Variants in ROS1 observed in about 807,000 individuals in gnomAD.
ROS1 encodes the protein ROS proto-oncogene 1, receptor tyrosine kinase.
Under a neutral mutation model 273.5 loss-of-function variants are expected in ROS1, and 263 were observed. The observed-to-expected ratio is 0.96, with a 90% CI of 0.87 to 1.06. ROS1 has a LOEUF of 1.06. ROS1 is among the 50% of genes least tolerant of loss of function. The pLI is 0.00. For synonymous variants in ROS1, 1,008 were observed against 954.1 expected (o/e 1.06, Z -1.04); for missense variants, 2,833 against 2,751.1 (o/e 1.03, Z -0.67).
intron 43 of ROS1, among the ~76,000 whole-genome samples, chr6:117,296,565 T>C (rs1269647702): frequency 6.6e-6 from 1 of 152,080 alleles, no homozygotes; most frequent in Non-Finnish European, 1.5e-5. Context: ...AAGATAAATA[T>C]CTCATGTTCT....
intron 18 of ROS1, among the ~76,000 whole-genome samples, chr6:117,367,966 G>A (rs1401222156): frequency 2.0e-5 from 3 of 152,038 alleles, no homozygotes; most frequent in Non-Finnish European, 1.5e-5. Context: ...CCTACTCTTG[G>A]TTAGTCATCT....
intron 36 of ROS1, 28 bp from the exon 37 acceptor site, chr6:117,320,058 C>A: frequency 6.2e-7 from 1 of 1,605,156 alleles, no homozygotes; most frequent in Non-Finnish European, 8.5e-7. Context: ...TTTTGTCTCC[C>A]CACCCTCCAC....
chr6:117,376,613 C>T (rs965177283), intron 18 of ROS1, among the ~76,000 whole-genome samples: 3 of 151,908 alleles, frequency 2.0e-5, no homozygotes, highest in African/African-American at 7.3e-5. Context: ...TATTTTCCCA[C>T]ACTAGTAATG....
chr6:117,403,723 G>C (rs1774146680), intron 6 of ROS1, among the ~76,000 whole-genome samples: 1 of 151,948 alleles, frequency 6.6e-6, no homozygotes. Flanking sequence ...TGAGGTGAAT[G>C]GTTACGTGAT....
At chr6:117,311,330 A>G (rs771784942) in intron 39 of ROS1, among the ~76,000 whole-genome samples, 10 of 152,106 alleles carry the variant, frequency 6.6e-5, no homozygotes, top group Non-Finnish European at 8.8e-5. Flanking sequence ...AATGACAGCT[A>G]TGTTTAGTAA....
At chr6:117,411,777 A>G (rs1774930605) in intron 4 of ROS1, among the ~76,000 whole-genome samples, 1 of 152,186 alleles carries the variant, frequency 6.6e-6, no homozygotes, top group Admixed American at 6.5e-5. Context: ...CATGCCAAGC[A>G]TGGTTTTGGG....
chr6:117,334,258 G>A (rs545897661), intron 32 of ROS1, among the ~76,000 whole-genome samples: 9 of 152,156 alleles, frequency 5.9e-5, no homozygotes, highest in African/African-American at 2.2e-4. Flanking sequence ...GCTACAAAGA[G>A]AATAAAATAC....
intron 37 of ROS1, among the ~76,000 whole-genome samples, chr6:117,319,445 A>T (rs1438267570): frequency 1.3e-5 from 2 of 152,134 alleles, no homozygotes; most frequent in Non-Finnish European, 2.9e-5. Flanking sequence ...AGCCACACTC[A>T]TTTATTTACA....
chr6:117,381,237 T>A lies in ROS1; in HGVS notation c.2482-2078A>T, dbSNP rs1772112675. On this transcript the variant is annotated intron_variant, in intron 17 of 43. Transcript: ENST00000368507. ...TCTTTTGCTTTTATTATATATATAT[T>A]TTTAACTTCAATAGCTTTTTGGGGT... Among the ~76,000 whole-genome samples the A allele has an allele frequency of 2.0e-5, 3 of 151,840 alleles. No individual in the cohort carries two copies. The South Asian group carries it at 6.3e-4, about 32-fold the overall frequency.
chr6:117,425,781 T>C lies in ROS1; in HGVS notation c.-125A>G. On this transcript the variant is annotated 5_prime_UTR_variant, in exon 1 of 44. The change creates a new upstream start codon in the 5' untranslated region. Transcript: ENST00000368507. The stretch of plus-strand genomic sequence containing the variant: ...ATGGATTTTGCTTTGTTTGTTTTGC[T>C]ATATTAGGATATACTTGCCTTTTGA... 1 of 962,224 alleles carries C rather than the reference T, an allele frequency of 1.0e-6. No individual in the cohort carries two copies. Among genetic ancestry groups the C allele is most frequent in the Non-Finnish European group, 1.6e-6 (1 of 630,688 alleles). 59.6% of individuals were successfully genotyped at this position (962,224 alleles called of 1,614,324 possible).
intron 27 of ROS1, among the ~76,000 whole-genome samples, chr6:117,349,659 C>A (rs575460167): frequency 6.6e-6 from 1 of 152,062 alleles, no homozygotes; most frequent in African/African-American, 2.4e-5. Flanking sequence ...TTGTCTTCCA[C>A]TTTTTTTCTG....
intron 4 of ROS1, among the ~76,000 whole-genome samples, chr6:117,410,949 C>G (rs778377949): frequency 3.9e-5 from 6 of 152,082 alleles, no homozygotes; most frequent in Non-Finnish European, 8.8e-5. Context: ...TATTTATGAA[C>G]TGCAGAGAAT....
intron 34 of ROS1, 126 bp downstream of exon 34, chr6:117,326,089 GATTATATAT>G (rs201641328): frequency 0.079 from 13,143 of 166,336 alleles, 411 homozygotes; most frequent in South Asian, 0.14. Context: ...TGGATAATAA[GATTATATAT>G]ATATATATAT....
At chr6:117,321,450 T>A (rs2128563940) in intron 35 of ROS1, 56 bp from the exon 36 acceptor site, 1 of 1,469,776 alleles carries the variant, frequency 6.8e-7, no homozygotes, top group Non-Finnish European at 9.2e-7. Context: ...CTTTTTTCCT[T>A]TAGGAAATGT....
In ROS1 at chr6:117,357,786, AT is replaced by A. The variant is rs764008351; in HGVS notation, c.3839+17del. ...ATCTATTTCATCACAATATAAAAAAATACTTGCATTTACATACCTTAAAAGA... is the reference window on the plus strand; with the variant it reads ...ATCTATTTCATCACAATATAAAAAAAACTTGCATTTACATACCTTAAAAGA... On this transcript the variant is annotated intron_variant, in intron 25 of 43. Transcript: ENST00000368507. The A allele has an allele frequency of 2.4e-5, 35 of 1,489,272 alleles. No individual in the cohort carries two copies. The highest frequency in any genetic ancestry group is 1.1e-4 in the East Asian group (5 of 43,944). 92.3% of individuals were successfully genotyped at this position (1,489,272 alleles called of 1,614,324 possible).
chr6:117,404,727 T>A (rs1321803), intron 5 of ROS1, among the ~76,000 whole-genome samples: 91,854 of 152,066 alleles, frequency 0.6, 29,982 homozygotes, highest in African/African-American at 0.87. Context: ...GTTTTCTCTT[T>A]CAATACCACT....
At chr6:117,396,842 C>T in intron 8 of ROS1, 73 bp downstream of exon 8, 4 of 1,054,342 alleles carry the variant, frequency 3.8e-6, no homozygotes, top group South Asian at 1.4e-5. Flanking sequence ...TATTTGATAC[C>T]CATATTTCTT....
Position 117,353,116 on chromosome 6 carries a change from T to C in ROS1, c.4177A>G (p.Ile1393Val). The C allele has an allele frequency of 4.3e-6, 7 of 1,614,098 alleles. No homozygotes were observed. Among genetic ancestry groups the C allele is most frequent in the Non-Finnish European group, 5.1e-6 (6 of 1,179,962 alleles). Reference sequence around the variant, plus strand: ...ATCTGTGTGCTGTCCTTTGCTGTGATGATCCAGTATATAAGATCTCCATCC... The same window carrying C: ...ATCTGTGTGCTGTCCTTTGCTGTGACGATCCAGTATATAAGATCTCCATCC... ...TVDGDLIYWI[I>V]TAKDSTQIYQ... is the part of the protein sequence containing the mutation. The change falls in exon 27 of 44, where the codon ATC becomes GTC. Residue 1393 changes from isoleucine (I) to valine (V), a missense_variant. Ile to Val is a conservative substitution (Grantham distance 29). Transcript: ENST00000368507.
At chr6:117,293,104 T>G (rs1773960152) in intron 43 of ROS1, among the ~76,000 whole-genome samples, 1 of 152,202 alleles carries the variant, frequency 6.6e-6, no homozygotes, top group Non-Finnish European at 1.5e-5. Flanking sequence ...CCTAAGCTTC[T>G]AAGTAGGTCT....
Sources: allele counts gnomAD v4.1 joint callset (sites outside exome capture counted in the v4.1 genomes callset), GRCh38; gene constraint gnomAD v4.1.1; transcripts MANE v1.5; gene names NCBI Gene and HGNC (gene_info 2026-07-23, HGNC 2026-07-21).